SPAG16: variants seen among roughly 807,000 people sequenced by gnomAD.
SPAG16 encodes sperm-associated antigen 16 protein.
A neutral mutation model predicts 80.4 loss-of-function variants in SPAG16; 86 were observed. The ratio of observed to expected loss-of-function variants is 1.07; its 90% confidence interval spans 0.90 to 1.28. The LOEUF (loss-of-function observed/expected upper bound fraction) is 1.28. Ranked by LOEUF, SPAG16 falls within the 50% of genes most tolerant of loss-of-function variation. SPAG16 has a pLI of 0.00. For synonymous variants in SPAG16, 294 were observed against 265.9 expected (o/e 1.11, Z -1.03); for missense variants, 870 against 765.3 (o/e 1.14, Z -1.61).
intron 15 of SPAG16, among the ~76,000 whole-genome samples, chr2:214,336,984 A>C (rs1018840229): frequency 2.3e-5 from 3 of 132,098 alleles, no homozygotes; most frequent in Non-Finnish European, 5.2e-5. Context: ...ATAACTGATC[A>C]AAGACAAGTT....
At chr2:214,349,304 A>G (rs1271878336) in intron 15 of SPAG16, among the ~76,000 whole-genome samples, 2 of 152,238 alleles carry the variant, frequency 1.3e-5, no homozygotes, top group Non-Finnish European at 2.9e-5. Context: ...TAGGAAAACT[A>G]TAGATTCATT....
intron 13 of SPAG16, among the ~76,000 whole-genome samples, chr2:214,061,903 AC>A (rs1025471594): frequency 6.6e-6 from 1 of 151,792 alleles, no homozygotes; most frequent in African/African-American, 2.4e-5. Flanking sequence ...ATAATTTAAC[AC>A]CCAACAAGAT....
intron 10 of SPAG16, among the ~76,000 whole-genome samples, chr2:213,625,625 C>A (rs1325120393): frequency 1.3e-5 from 2 of 151,888 alleles, no homozygotes; most frequent in Non-Finnish European, 2.9e-5. Flanking sequence ...AGACTTTCAC[C>A]TTTAATATTT....
intron 15 of SPAG16, among the ~76,000 whole-genome samples, chr2:214,165,315 C>T (rs544549817): frequency 1.3e-5 from 2 of 151,880 alleles, no homozygotes; most frequent in African/African-American, 2.4e-5. Context: ...CTCATCTCAA[C>T]GTAGGGGGCT....
chr2:214,122,379 C>T (rs2125460105), intron 14 of SPAG16, among the ~76,000 whole-genome samples: 1 of 151,780 alleles, frequency 6.6e-6, no homozygotes, highest in Non-Finnish European at 1.5e-5. Context: ...TCCTAAGTTG[C>T]CGGTAAGTAG....
At chr2:213,422,119 CCT>C (rs2069630995) in intron 9 of SPAG16, 1 of 686,888 alleles carries the variant, frequency 1.5e-6, no homozygotes, top group Admixed American at 2.0e-5. Flanking sequence ...GAAATGACCC[CCT>C]GCTTGCCACT....
intron 10 of SPAG16, among the ~76,000 whole-genome samples, chr2:213,799,708 T>C (rs1559478676): frequency 6.6e-6 from 1 of 152,164 alleles, no homozygotes; most frequent in Non-Finnish European, 1.5e-5. Flanking sequence ...AAATGATTAC[T>C]TGTCAGAGAA....
At chr2:213,543,251 G>T (rs1448317172) in intron 10 of SPAG16, among the ~76,000 whole-genome samples, 3 of 151,848 alleles carry the variant, frequency 2.0e-5, no homozygotes, top group Non-Finnish European at 4.4e-5. Flanking sequence ...TTTATGAATG[G>T]TCATTTCATA....
chr2:213,865,467 G>T (rs767871310), intron 11 of SPAG16, among the ~76,000 whole-genome samples: 1 of 151,160 alleles, frequency 6.6e-6, no homozygotes, highest in African/African-American at 2.4e-5. Context: ...ATCCAAAGCC[G>T]TATTCAGAGT....
chr2:213,951,498 A>T (rs1358171372), intron 12 of SPAG16, among the ~76,000 whole-genome samples: 1 of 152,202 alleles, frequency 6.6e-6, no homozygotes, highest in African/African-American at 2.4e-5. Context: ...CAATTTAAAT[A>T]GTTATACAAT....
At chr2:213,834,502 T>A (rs1051827604) in intron 10 of SPAG16, among the ~76,000 whole-genome samples, 3 of 152,166 alleles carry the variant, frequency 2.0e-5, no homozygotes, top group African/African-American at 7.2e-5. Flanking sequence ...CATTTCTTCC[T>A]CCCTGGTATG....
intron 10 of SPAG16, among the ~76,000 whole-genome samples, chr2:213,657,873 A>G (rs2063277970): frequency 6.6e-6 from 1 of 152,184 alleles, no homozygotes; most frequent in South Asian, 2.1e-4. Context: ...TTCATTTTCC[A>G]TTGATAAAAA....
chr2:213,929,625 C>T (rs1377008521), intron 11 of SPAG16, among the ~76,000 whole-genome samples: 1 of 96,378 alleles, frequency 1.0e-5, no homozygotes. Context: ...GTTCTGAAGC[C>T]CGATCATCCA....
intron 9 of SPAG16, among the ~76,000 whole-genome samples, chr2:213,412,203 C>T (rs1305640255): frequency 2.0e-5 from 3 of 152,162 alleles, no homozygotes; most frequent in Non-Finnish European, 4.4e-5. Flanking sequence ...ATCTGCTCTG[C>T]CCTGACTCCC....
At chr2:213,936,680 G>A (rs548000489) in intron 12 of SPAG16, among the ~76,000 whole-genome samples, 2 of 152,284 alleles carry the variant, frequency 1.3e-5, no homozygotes, top group African/African-American at 4.8e-5. Context: ...CACCTGAAAG[G>A]CAAAGGCTCA....
At chr2:213,870,320 A>G (rs552027381) in intron 11 of SPAG16, among the ~76,000 whole-genome samples, 1 of 151,354 alleles carries the variant, frequency 6.6e-6, no homozygotes, top group African/African-American at 2.4e-5. Context: ...TATCTTTGTT[A>G]TATTAAGCCT....
chr2:213,897,498 A>G (rs1414826120), intron 11 of SPAG16, among the ~76,000 whole-genome samples: 1 of 152,020 alleles, frequency 6.6e-6, no homozygotes, highest in Non-Finnish European at 1.5e-5. Context: ...GTTTTCTTGG[A>G]TATATTTTAA....
chr2:213,858,679 G>A (rs1240727219), intron 10 of SPAG16, among the ~76,000 whole-genome samples: 1 of 152,156 alleles, frequency 6.6e-6, no homozygotes, highest in Non-Finnish European at 1.5e-5. Context: ...TGTATGCAAT[G>A]TTGGGAAGAG....
At chr2:214,063,725 T>C (rs574306863) in intron 13 of SPAG16, among the ~76,000 whole-genome samples, 1 of 152,210 alleles carries the variant, frequency 6.6e-6, no homozygotes, top group Non-Finnish European at 1.5e-5. Context: ...TAAACATGGA[T>C]TGTTTTCTTA....
Sources: gnomAD v4.1 joint callset for allele counts (sites outside exome capture counted in the v4.1 genomes callset) on GRCh38, gnomAD v4.1.1 for gene constraint, MANE v1.5 for transcripts, NCBI Gene and HGNC (gene_info 2026-07-23, HGNC 2026-07-21) for gene names.